MDFIC2: variants seen among roughly 807,000 people sequenced by gnomAD.
MDFIC2 encodes the protein myoD family inhibitor domain-containing protein 2.
chr3:70,210,391 G>C (rs1353224145), intron 2 of MDFIC2, among the ~76,000 whole-genome samples: 1 of 151,960 alleles, frequency 6.6e-6, no homozygotes, highest in Admixed American at 6.6e-5. Context: ...AAAATCATCT[G>C]ACATACACAC....
chr3:70,297,158 C>A (rs919316281), intron 2 of MDFIC2, among the ~76,000 whole-genome samples: 1 of 152,016 alleles, frequency 6.6e-6, no homozygotes, highest in Non-Finnish European at 1.5e-5. Context: ...ATGCACAGTA[C>A]ACTGCTTGTC....
chr3:70,259,864 A>T (rs1262980338), intron 2 of MDFIC2, among the ~76,000 whole-genome samples: 2 of 152,180 alleles, frequency 1.3e-5, no homozygotes, highest in Admixed American at 6.5e-5. Context: ...ACTTACAATC[A>T]TGGTGGAAGG....
intron 2 of MDFIC2, among the ~76,000 whole-genome samples, chr3:70,295,254 C>T (rs1317486490): frequency 1.3e-5 from 2 of 152,034 alleles, no homozygotes; most frequent in African/African-American, 4.8e-5. Flanking sequence ...ACCAAAGTAG[C>T]CATTATGATT....
chr3:70,308,053 A>ATATTT (rs1215358934), intron 2 of MDFIC2, among the ~76,000 whole-genome samples: 1 of 151,776 alleles, frequency 6.6e-6, no homozygotes, highest in Non-Finnish European at 1.5e-5. Context: ...CCTGGTGCAT[A>ATATTT]TATTTTATTT....
chr3:70,274,936 T>C (rs1649917036), intron 2 of MDFIC2, among the ~76,000 whole-genome samples: 1 of 152,198 alleles, frequency 6.6e-6, no homozygotes, highest in Non-Finnish European at 1.5e-5. Flanking sequence ...AAATGAGTTA[T>C]ATAAAAGTGG....
At chr3:70,303,413 A>T (rs1001692848) in intron 2 of MDFIC2, among the ~76,000 whole-genome samples, 19 of 152,222 alleles carry the variant, frequency 1.2e-4, no homozygotes, top group African/African-American at 4.6e-4. Context: ...GAGGAAAAAA[A>T]ATTATGCGGA....
chr3:70,257,746 T>A (rs993038394), intron 2 of MDFIC2, among the ~76,000 whole-genome samples: 12 of 152,174 alleles, frequency 7.9e-5, no homozygotes, highest in African/African-American at 2.9e-4. Context: ...GCCAAATGAC[T>A]TATGTATTCA....
chr3:70,292,383 C>T (rs1361321410), intron 2 of MDFIC2, among the ~76,000 whole-genome samples: 1 of 152,104 alleles, frequency 6.6e-6, no homozygotes, highest in African/African-American at 2.4e-5. Flanking sequence ...CAGCTAAATC[C>T]ACTATGCCTG....
intron 2 of MDFIC2, among the ~76,000 whole-genome samples, chr3:70,238,368 G>A (rs1701633466): frequency 6.6e-6 from 1 of 152,008 alleles, no homozygotes; most frequent in Non-Finnish European, 1.5e-5. Flanking sequence ...AACATTTTGG[G>A]GAGGCTGAGG....
chr3:70,274,885 C>T (rs1288908957), intron 2 of MDFIC2, among the ~76,000 whole-genome samples: 2 of 152,060 alleles, frequency 1.3e-5, no homozygotes, highest in East Asian at 1.9e-4. Flanking sequence ...TTTCTGTAAA[C>T]TCTGGGATTT....
chr3:70,297,856 T>G (rs1046414842), intron 2 of MDFIC2, among the ~76,000 whole-genome samples: 5 of 152,154 alleles, frequency 3.3e-5, no homozygotes, highest in Non-Finnish European at 7.4e-5. Context: ...TTGAATTTAA[T>G]TCATGATTGA....
At chr3:70,218,453 A>C (rs34486772) in intron 2 of MDFIC2, among the ~76,000 whole-genome samples, 220 of 152,250 alleles carry the variant, frequency 1.4e-3, no homozygotes, top group Middle Eastern at 3.4e-3. Context: ...TAATAGACTG[A>C]GGTCAGTACT....
At chr3:70,232,822 G>A (rs1279441594) in intron 2 of MDFIC2, among the ~76,000 whole-genome samples, 1 of 152,108 alleles carries the variant, frequency 6.6e-6, no homozygotes, top group South Asian at 2.1e-4. Flanking sequence ...GTCTTCCCAG[G>A]GTGATTCTCT....
chr3:70,272,187 A>T (rs1701981975), intron 2 of MDFIC2: 1 of 152,190 alleles, frequency 6.6e-6, no homozygotes, highest in South Asian at 2.1e-4. Context: ...CCCATTCCAA[A>T]TGCATAGTGG....
At chr3:70,200,939 A>G (rs1701231316) in intron 3 of MDFIC2, among the ~76,000 whole-genome samples, 1 of 134,274 alleles carries the variant, frequency 7.4e-6, no homozygotes, top group Non-Finnish European at 1.6e-5. Flanking sequence ...CCAAAAGCCA[A>G]TCTACAGCCC....
intron 3 of MDFIC2, among the ~76,000 whole-genome samples, chr3:70,198,269 A>T (rs1701200899): frequency 6.6e-6 from 1 of 152,128 alleles, no homozygotes; most frequent in Admixed American, 6.6e-5. Flanking sequence ...TTTCATAAGG[A>T]TCTGTATTTT....
chr3:70,284,942 T>A (rs936895008), intron 2 of MDFIC2, among the ~76,000 whole-genome samples: 2 of 152,174 alleles, frequency 1.3e-5, no homozygotes, highest in Non-Finnish European at 2.9e-5. Flanking sequence ...TGTAACTGAT[T>A]CATGTGCTTT....
intron 2 of MDFIC2, among the ~76,000 whole-genome samples, chr3:70,264,084 T>A (rs1018672933): frequency 6.6e-6 from 1 of 152,222 alleles, no homozygotes; most frequent in African/African-American, 2.4e-5. Context: ...TCACTTTGCA[T>A]TTAATATTTT....
intron 2 of MDFIC2, among the ~76,000 whole-genome samples, chr3:70,267,103 G>A (rs1476350687): frequency 2.0e-5 from 3 of 152,272 alleles, no homozygotes; most frequent in South Asian, 2.1e-4. Context: ...TGCTAGCTGG[G>A]GAGGGGGTGG....
Sources: allele counts gnomAD v4.1 joint callset (sites outside exome capture counted in the v4.1 genomes callset), GRCh38; gene constraint gnomAD v4.1.1; transcripts MANE v1.5; gene names NCBI Gene and HGNC (gene_info 2026-07-23, HGNC 2026-07-21).